Variants in ANXA4 observed in about 807,000 individuals in gnomAD.
The protein encoded by ANXA4 is 35-beta calcimedin.
A neutral mutation model predicts 49.8 loss-of-function variants in ANXA4; 39 were observed. That is an observed-to-expected ratio of 0.78 (90% CI 0.61 to 1.02). The LOEUF is 1.02. ANXA4 is among the 50% of genes least tolerant of loss of function. The pLI is 0.00. For synonymous variants in ANXA4, 134 were observed against 152.5 expected (o/e 0.88, Z 0.89); for missense variants, 360 against 410.1 (o/e 0.88, Z 1.05).
At position 69,819,265 on chromosome 2, in the gene ANXA4, T is replaced by C; in HGVS notation, c.725-15T>C. ...TCTGTAATCTTTTCATTTCTTCTTT[T>C]TTTTTCTTTGACAGTAAAGTGCATG... On this transcript the variant is annotated splice_polypyrimidine_tract_variant and intron_variant, in intron 10 of 12. Transcript: ENST00000394295. 1.3e-6 allele frequency: 2 copies of C among 1,580,244 alleles called. No individual in the cohort carries two copies. The highest frequency in any genetic ancestry group is 1.7e-6 in the Non-Finnish European group (2 of 1,160,386).
At chr2:69,761,012 T>A (rs201635919) in intron 1 of ANXA4, among the ~76,000 whole-genome samples, 1,363 of 121,084 alleles carry the variant, frequency 0.011, 11 homozygotes, top group East Asian at 0.099. Context: ...ATTAATTAAT[T>A]AATTAATTAA....
intron 3 of ANXA4, among the ~76,000 whole-genome samples, chr2:69,727,115 C>A (rs925394704): frequency 2.6e-5 from 4 of 152,186 alleles, no homozygotes; most frequent in African/African-American, 7.2e-5. Flanking sequence ...CTCAAGCAAT[C>A]CTCCCACCTT....
chr2:69,729,666 C>G (rs1670047034), intron 3 of ANXA4, among the ~76,000 whole-genome samples: 1 of 152,240 alleles, frequency 6.6e-6, no homozygotes, highest in African/African-American at 2.4e-5. Context: ...AAGTTAAGAA[C>G]TTCCAGAAAG....
intron 1 of ANXA4, among the ~76,000 whole-genome samples, chr2:69,747,184 C>A (rs1037147942): frequency 2.0e-5 from 3 of 152,132 alleles, no homozygotes; most frequent in Non-Finnish European, 4.4e-5. Flanking sequence ...ACTGTGAATT[C>A]ATTCCTCTGG....
At chr2:69,663,218 TCTC>T (rs1447062076) in intron 2 of ANXA4, among the ~76,000 whole-genome samples, 1 of 147,684 alleles carries the variant, frequency 6.8e-6, no homozygotes, top group African/African-American at 2.5e-5. Flanking sequence ...ATGGTCTCGA[TCTC>T]CTGACCTCAT....
intron 2 of ANXA4, among the ~76,000 whole-genome samples, chr2:69,686,371 G>C (rs1677786865): frequency 6.6e-6 from 1 of 152,022 alleles, no homozygotes; most frequent in African/African-American, 2.4e-5. Flanking sequence ...TTTTAGTAGA[G>C]ATGGGGTTCC....
At chr2:69,664,009 G>A (rs116034660) in intron 2 of ANXA4, among the ~76,000 whole-genome samples, 11,880 of 152,142 alleles carry the variant, frequency 0.078, 1,218 homozygotes, top group East Asian at 0.37. Flanking sequence ...GTTGTGATAT[G>A]GAAGACTGAG....
intron 2 of ANXA4, among the ~76,000 whole-genome samples, chr2:69,669,027 C>G (rs1483400531): frequency 6.6e-6 from 1 of 151,674 alleles, no homozygotes; most frequent in African/African-American, 2.4e-5. Flanking sequence ...ACCTCCGCCT[C>G]TCAGGTTCAA....
chr2:69,643,878 C>T (rs1675882268), upstream of ANXA4: 4 of 1,175,110 alleles, frequency 3.4e-6, no homozygotes, highest in Non-Finnish European at 4.2e-6. Context: ...TCTGTCGCCA[C>T]GGATGGGAAG....
chr2:69,816,103 C>T lies in ANXA4; in HGVS notation c.537C>T (p.Asp179=), dbSNP rs750688394. The change falls in exon 9 of 13, where the codon GAC becomes GAT. Residue 179 remains aspartate (D), a splice_region_variant and synonymous_variant. Transcript: ENST00000394295. ...DDALVRQDAQ[D]LYEAGEKKWG... is the part of the protein sequence containing the mutation. ...ACCTGTGCTTTGTTTGGCTTCAGGA[C>T]CTGTATGAGGCTGGAGAGAAGAAAT... 6.2e-7 allele frequency: 1 copy of T among 1,613,388 alleles called. No homozygotes were observed. The highest frequency in any genetic ancestry group is 1.3e-5 in the African/African-American group (1 of 74,874).
intron 3 of ANXA4, among the ~76,000 whole-genome samples, chr2:69,722,682 AGAAATAGTGATGATAGTT>A (rs1160980628): frequency 6.6e-6 from 1 of 152,164 alleles, no homozygotes; most frequent in Non-Finnish European, 1.5e-5. Flanking sequence ...GAAAAGTTTT[AGAAATAGTGATGATAGTT>A]GCACAACATC....
chr2:69,708,715 A>G (rs1194353280), intron 2 of ANXA4, among the ~76,000 whole-genome samples: 1 of 152,104 alleles, frequency 6.6e-6, no homozygotes, highest in East Asian at 1.9e-4. Flanking sequence ...TGGTCCTCCA[A>G]CAATCGAGGG....
Position 69,656,336 on chromosome 2 carries a change from T to C in ANXA4, n.766+3054T>C, listed in dbSNP as rs1210177316. ...ATGTATATATATGTATATATATGTG[T>C]ATATATATGTGTATATATGTGTATA... is the stretch of plus-strand genomic sequence containing the variant. On this transcript the variant is annotated intron_variant and non_coding_transcript_variant, in intron 2 of 3. Coordinates refer to the ANXA4 transcript ENST00000418066. 1.7e-4 allele frequency among the ~76,000 whole-genome samples: 16 copies of C among 93,932 alleles called. 1 individual carries two copies. The East Asian group carries it at 9.5e-3, about 56-fold the overall frequency. The allele number at this position is 93,932 out of a possible 152,430, so 61.6% of individuals were successfully genotyped here.
intron 1 of ANXA4, among the ~76,000 whole-genome samples, chr2:69,751,153 C>T (rs895099905): frequency 6.6e-6 from 1 of 151,912 alleles, no homozygotes. Flanking sequence ...TGCACACTGA[C>T]GAGCTTCACA....
At chr2:69,731,944 G>A (rs1670109055) in intron 3 of ANXA4, among the ~76,000 whole-genome samples, 1 of 150,714 alleles carries the variant, frequency 6.6e-6, no homozygotes, top group East Asian at 2.0e-4. Context: ...AATACCAAAT[G>A]CTGATGCTAT....
chr2:69,709,001 T>C (rs567214093), intron 2 of ANXA4, among the ~76,000 whole-genome samples: 1 of 152,318 alleles, frequency 6.6e-6, no homozygotes, highest in East Asian at 1.9e-4. Context: ...CAAACATATA[T>C]AGTGTGTCTG....
chr2:69,740,647 C>A (rs1452966572), upstream of ANXA4, among the ~76,000 whole-genome samples: 2 of 127,994 alleles, frequency 1.6e-5, no homozygotes, highest in South Asian at 4.9e-4. Context: ...GTTTTCTTTT[C>A]TTTTTTTCTT....
chr2:69,738,179 A>G (rs1487839394), upstream of ANXA4, among the ~76,000 whole-genome samples: 1 of 152,156 alleles, frequency 6.6e-6, no homozygotes, highest in East Asian at 1.9e-4. Flanking sequence ...AGTGAGGTCT[A>G]CAAAGCTGCC....
chr2:69,807,383 C>T (rs1395792788), intron 5 of ANXA4, among the ~76,000 whole-genome samples: 1 of 152,134 alleles, frequency 6.6e-6, no homozygotes, highest in Non-Finnish European at 1.5e-5. Context: ...CCTGGTCTGC[C>T]AAATTTTAAT....
Sources: allele counts gnomAD v4.1 joint callset (sites outside exome capture counted in the v4.1 genomes callset), GRCh38; gene constraint gnomAD v4.1.1; transcripts MANE v1.5; gene names NCBI Gene and HGNC (gene_info 2026-07-23, HGNC 2026-07-21).